The following BAZ2B variants were observed in gnomAD, a reference collection of about 807,000 sequenced individuals.
The protein encoded by BAZ2B is bromodomain adjacent to zinc finger domain protein 2B.
A neutral mutation model predicts 246.0 loss-of-function variants in BAZ2B; 91 were observed. The ratio of observed to expected loss-of-function variants is 0.37; its 90% confidence interval spans 0.31 to 0.44. The LOEUF is 0.44. Ranked by LOEUF, BAZ2B falls within the 20% of genes least tolerant of loss-of-function variation. The probability of loss-of-function intolerance (pLI) is 1.00; values close to 1 mark genes in which losing one functional copy is unlikely to be tolerated. For synonymous variants in BAZ2B, 855 were observed against 860.0 expected, an observed-to-expected ratio of 0.99 and a Z score of 0.10; for missense variants, 2,332 against 2,533.7, an observed-to-expected ratio of 0.92 and a Z score of 1.71.
the BAZ2B span, among the ~76,000 whole-genome samples, chr2:159,626,639 C>T: frequency 6.6e-6 from 1 of 152,148 alleles, no homozygotes; most frequent in South Asian, 2.1e-4. Context: ...GACACAACGT[C>T]CCAGAATCTC....
At chr2:159,428,568 C>CCTG in intron 11 of BAZ2B, 149 bp from the exon 12 acceptor site, 1 of 507,010 alleles carries the variant, frequency 2.0e-6, no homozygotes, top group Non-Finnish European at 3.4e-6. Context: ...TACATTAACT[C>CCTG]TCAAAATTAT....
At chr2:159,540,743 A>G (rs1175275742) in intron 2 of BAZ2B, among the ~76,000 whole-genome samples, 3 of 152,208 alleles carry the variant, frequency 2.0e-5, no homozygotes, top group African/African-American at 7.2e-5. Flanking sequence ...AGACAAAACG[A>G]TACTTGGAAA....
At chr2:159,588,529 A>C (rs780836127) in intron 1 of BAZ2B, among the ~76,000 whole-genome samples, 5 of 151,974 alleles carry the variant, frequency 3.3e-5, no homozygotes, top group South Asian at 4.2e-4. Context: ...ACACACACAC[A>C]CCCCTCTTAA....
rs190868199 is a variant in BAZ2B at position 159,502,787 on chromosome 2, G to A, written c.-2-24066C>T. 4.5e-3 allele frequency among the ~76,000 whole-genome samples: 681 copies of A among 152,224 alleles called. 2 individuals are homozygous for A. The highest frequency in any genetic ancestry group is 0.015 in the African/African-American group (643 of 41,552). The stretch of plus-strand genomic sequence containing the variant: ...GAATGTCTCTAATATGATTTTTCAT[G>A]TGCTATAATGAATGATATGCTGAGA... On this transcript the variant is annotated intron_variant, in intron 2 of 36. Transcript: ENST00000392783.
intron 1 of BAZ2B, among the ~76,000 whole-genome samples, chr2:159,561,533 C>A (rs2089871840): frequency 6.6e-6 from 1 of 152,174 alleles, no homozygotes; most frequent in Non-Finnish European, 1.5e-5. Context: ...TAGCCTATAA[C>A]CAAATGTGGT....
intron 32 of BAZ2B, 77 bp from the exon 33 acceptor site, chr2:159,337,154 G>A (rs2065818400): frequency 6.7e-7 from 1 of 1,502,870 alleles, no homozygotes; most frequent in African/African-American, 1.4e-5. Flanking sequence ...TCATCACACT[G>A]AAAGCCAAGC....
intron 17 of BAZ2B, chr2:159,399,126 AT>A: frequency 7.8e-6 from 3 of 382,536 alleles, no homozygotes; most frequent in Non-Finnish European, 1.4e-5. Flanking sequence ...TCATAAGAAT[AT>A]GACAGCTTTT....
chr2:159,434,242 C>A (rs2071738391), intron 8 of BAZ2B: 1 of 152,044 alleles, frequency 6.6e-6, no homozygotes, highest in Non-Finnish European at 1.5e-5. Flanking sequence ...CTCACTGCAA[C>A]CTCTGCCTCC....
chr2:159,585,158 G>C (rs758636916), intron 1 of BAZ2B, among the ~76,000 whole-genome samples: 9 of 152,148 alleles, frequency 5.9e-5, no homozygotes, highest in Non-Finnish European at 8.8e-5. Flanking sequence ...ACTAAGATGG[G>C]GAAGACTGTT....
chr2:159,491,097 C>T (rs1366058341), intron 2 of BAZ2B, among the ~76,000 whole-genome samples: 1 of 152,022 alleles, frequency 6.6e-6, no homozygotes, highest in African/African-American at 2.4e-5. Context: ...TTTAATATGT[C>T]TGAGGGTCAT....
intron 27 of BAZ2B, 96 bp from the exon 28 acceptor site, chr2:159,350,453 ATACT>A (rs2058431017): frequency 5.8e-6 from 7 of 1,210,376 alleles, no homozygotes; most frequent in Non-Finnish European, 5.5e-6. Flanking sequence ...ATATGCATAA[ATACT>A]TAAACTTTTC....
chr2:159,371,744 T>C (rs755005427), intron 27 of BAZ2B, among the ~76,000 whole-genome samples: 21 of 152,340 alleles, frequency 1.4e-4, no homozygotes, highest in Middle Eastern at 3.4e-3. Flanking sequence ...GCTCACAGTC[T>C]AGTGGCAGAG....
At chr2:159,688,095 C>T in the BAZ2B span, among the ~76,000 whole-genome samples, 2 of 152,142 alleles carry the variant, frequency 1.3e-5, no homozygotes, top group African/African-American at 2.4e-5. Context: ...GGCTGAAAGG[C>T]AGTGTGAGAT....
intron 17 of BAZ2B, among the ~76,000 whole-genome samples, chr2:159,399,303 A>G (rs2064580950): frequency 6.6e-6 from 1 of 152,168 alleles, no homozygotes; most frequent in Non-Finnish European, 1.5e-5. Context: ...TAATTAATAA[A>G]TAAAAATTAT....
intron 1 of BAZ2B, among the ~76,000 whole-genome samples, chr2:159,582,640 C>T (rs1241446159): frequency 2.0e-5 from 3 of 152,276 alleles, no homozygotes; most frequent in Non-Finnish European, 4.4e-5. Flanking sequence ...CCACCTCAGC[C>T]TCCCAAAGTG....
At chr2:159,550,060 G>A (rs1038055688) in intron 2 of BAZ2B, among the ~76,000 whole-genome samples, 4 of 152,040 alleles carry the variant, frequency 2.6e-5, no homozygotes, top group Non-Finnish European at 5.9e-5. Flanking sequence ...CCAGACAAGT[G>A]ATCTGCCCAC....
intron 1 of BAZ2B, among the ~76,000 whole-genome samples, chr2:159,578,956 C>T (rs1578572445): frequency 6.6e-6 from 1 of 152,152 alleles, no homozygotes; most frequent in Admixed American, 6.6e-5. Context: ...GCACTAAATG[C>T]CCATGAGAAA....
At chr2:159,395,154 C>T (rs7585587) in intron 20 of BAZ2B, among the ~76,000 whole-genome samples, 139,415 of 152,150 alleles carry the variant, frequency 0.92, 65,095 homozygotes, top group East Asian at 1. Flanking sequence ...AGCAGGGGAA[C>T]CTGTGTCTTT....
the BAZ2B span, among the ~76,000 whole-genome samples, chr2:159,679,957 T>C: frequency 4.8e-4 from 73 of 152,340 alleles, no homozygotes; most frequent in Admixed American, 4.8e-3. Flanking sequence ...GGGCTCCCAT[T>C]GCGATGAATT....
Sources: allele counts gnomAD v4.1 joint callset (sites outside exome capture counted in the v4.1 genomes callset), GRCh38; gene constraint gnomAD v4.1.1; transcripts MANE v1.5; gene names NCBI Gene and HGNC (gene_info 2026-07-23, HGNC 2026-07-21).